Variants in PARK7 observed in about 807,000 individuals in gnomAD.
The protein encoded by PARK7 is Parkinson disease protein 7.
In PARK7, 14 loss-of-function variants were observed where a neutral mutation model predicts 20.5. The ratio of observed to expected loss-of-function variants is 0.68; its 90% confidence interval spans 0.45 to 1.07. The LOEUF (loss-of-function observed/expected upper bound fraction) is 1.07. Ranked by LOEUF, PARK7 falls within the 50% of genes least tolerant of loss-of-function variation. The pLI, the probability that PARK7 is intolerant of heterozygous loss-of-function variation, is 0.00. For synonymous variants in PARK7, 98 were observed against 84.3 expected, an observed-to-expected ratio of 1.16 and a Z score of -0.89; for missense variants, 234 against 238.1, an observed-to-expected ratio of 0.98 and a Z score of 0.11.
chr1:7,974,518 A>G lies in PARK7; in HGVS notation c.323-3134A>G, dbSNP rs1296756357. Among the ~76,000 whole-genome samples, 5 of 151,730 alleles carry G rather than the reference A, an allele frequency of 3.3e-5. No homozygotes were observed. The East Asian group carries it at 5.8e-4, about 18-fold the overall frequency. On this transcript the variant is annotated intron_variant, in intron 5 of 6. Transcript: ENST00000338639. Reference sequence around the variant, plus strand: ...GTGGCGGGTGCCTGTAGTCCCAGCTACTCGGGAGGCTGAGGCAGGAGAATG... The same window carrying G: ...GTGGCGGGTGCCTGTAGTCCCAGCTGCTCGGGAGGCTGAGGCAGGAGAATG...
Position 7,969,341 on chromosome 1 carries a change from A to AAG in PARK7, c.193-4_193-3insAG, listed in dbSNP as rs757044964. ...TGTTTTCTTTATGTTTTAAACTGTT[A>AAG]CAGGGACCATATGATGTGGTGGTTC... On this transcript the variant is annotated splice_polypyrimidine_tract_variant and splice_region_variant and intron_variant, in intron 3 of 6. Coordinates refer to ENST00000338639, the MANE Select transcript of PARK7 (RefSeq NM_007262.5). The AAG allele has an allele frequency of 9.3e-6, 15 of 1,610,154 alleles. No homozygotes were observed. The African/African-American group carries it at 2.0e-4, about 21-fold the overall frequency.
chr1:7,967,435 A>G lies in PARK7; in HGVS notation c.193-1910A>G, dbSNP rs1007125608. Among the ~76,000 whole-genome samples the G allele has an allele frequency of 7.2e-5, 11 of 152,310 alleles. 1 individual carries two copies. The highest frequency in any genetic ancestry group is 2.2e-4 in the African/African-American group (9 of 41,564). On this transcript the variant is annotated intron_variant, in intron 3 of 6. Coordinates refer to ENST00000338639, the MANE Select transcript of PARK7 (RefSeq NM_007262.5). ...CCTTTCCATTGGATACATGCCAAGT[A>G]GTGGGATTGCTGGACCATATGGTAG...
intron 4 of PARK7, 39 bp downstream of exon 4, chr1:7,969,443 G>T (rs767757311): frequency 1.1e-5 from 12 of 1,097,414 alleles, no homozygotes; most frequent in South Asian, 2.6e-5. Context: ...ATAAAGCTGG[G>T]GGGGGGGAAA....
intron 5 of PARK7, among the ~76,000 whole-genome samples, chr1:7,972,697 A>G (rs1024438409): frequency 5.9e-5 from 9 of 152,184 alleles, no homozygotes; most frequent in African/African-American, 2.2e-4. Context: ...TGAGGTCAGG[A>G]GTTCAAAACC....
intron 3 of PARK7, 116 bp from the exon 4 acceptor site, chr1:7,969,229 A>G (rs1299809274): frequency 1.3e-6 from 1 of 787,774 alleles, no homozygotes; most frequent in Non-Finnish European, 2.1e-6. Flanking sequence ...CTATTGGCAG[A>G]TAGGCTATCT....
At chr1:7,976,985 G>C (rs1030843575) in intron 5 of PARK7, among the ~76,000 whole-genome samples, 2 of 152,208 alleles carry the variant, frequency 1.3e-5, no homozygotes, top group Non-Finnish European at 2.9e-5. Flanking sequence ...CTCCCAAAGT[G>C]CTGGGAATAC....
Position 7,967,052 on chromosome 1 carries a change from T to C in PARK7, c.192+1627T>C, listed in dbSNP as rs551746296. Among the ~76,000 whole-genome samples, 25 of 152,318 alleles carry C rather than the reference T, an allele frequency of 1.6e-4. No homozygotes were observed. In the South Asian group the frequency reaches 1.7e-3, roughly 10 times the overall value. ...ATAATTTTGTATCTTTTAACAAATC[T>C]CTCCCTATCCCCACTTTCTCCTATC... On this transcript the variant is annotated intron_variant, in intron 3 of 6. Coordinates refer to ENST00000338639, the MANE Select transcript of PARK7 (RefSeq NM_007262.5).
chr1:7,974,614 G>A (rs1640538311), intron 5 of PARK7, among the ~76,000 whole-genome samples: 1 of 151,130 alleles, frequency 6.6e-6, no homozygotes, highest in African/African-American at 2.4e-5. Flanking sequence ...GGGCGACAGA[G>A]TGAGACTCCA....
Position 7,984,309 on chromosome 1 carries a change from C to A in PARK7, c.410-585C>A, listed in dbSNP as rs1305561630. ...CTCAGGGCATCCATGCTTAAGAGTC[C>A]CAGTTTTGGTATTATATTTGCCAAG... is the stretch of plus-strand genomic sequence containing the variant. On this transcript the variant is annotated intron_variant, in intron 6 of 6. Coordinates refer to ENST00000338639, the MANE Select transcript of PARK7 (RefSeq NM_007262.5). This position sits in a 1 kb window ranked among gnomAD's most constrained non-coding sequence, Gnocchi z 4.3. Among the ~76,000 whole-genome samples, 1 of 152,104 alleles carries A rather than the reference C, an allele frequency of 6.6e-6. No homozygotes were observed. Among genetic ancestry groups the A allele is most frequent in the African/African-American group, 2.4e-5 (1 of 41,402 alleles).
chr1:7,972,700 T>A (rs1640490336), intron 5 of PARK7, among the ~76,000 whole-genome samples: 1 of 152,064 alleles, frequency 6.6e-6, no homozygotes, highest in Non-Finnish European at 1.5e-5. Flanking sequence ...GGTCAGGAGT[T>A]CAAAACCAGC....
rs1640747884 is a variant in PARK7 at position 7,983,238 on chromosome 1, G to A, written c.410-1656G>A. Among the ~76,000 whole-genome samples the A allele has an allele frequency of 1.3e-5, 2 of 152,228 alleles. 1 individual carries two copies. The highest frequency in any genetic ancestry group is 1.3e-4 in the Admixed American group (2 of 15,284). ...AGCTGTGCCCTCAGGGTGTTCTCAG[G>A]TCCGCACTGAGCGGTGGTGACCAGA... On this transcript the variant is annotated intron_variant, in intron 6 of 6. Coordinates refer to ENST00000338639, the MANE Select transcript of PARK7 (RefSeq NM_007262.5).
chr1:7,962,509 G>A lies in PARK7; in HGVS notation c.-23-254G>A, dbSNP rs1050710888. 2.0e-5 allele frequency among the ~76,000 whole-genome samples: 3 copies of A among 152,062 alleles called. No homozygotes were observed. The South Asian group carries it at 6.2e-4, about 31-fold the overall frequency. On this transcript the variant is annotated intron_variant, in intron 1 of 6. Transcript: ENST00000338639. ...TTAAAGTTGGATTTAAGAGAACATG[G>A]TAGAAGAAAATCTAAGCAATACTAC...
Position 7,962,921 on chromosome 1 carries a change from T to C in PARK7, c.90+46T>C, listed in dbSNP as rs759980721. On this transcript the variant is annotated intron_variant, in intron 2 of 6. Transcript: ENST00000338639. Reference sequence around the variant, plus strand: ...TAGCCATTCCTGTTTTAAATGTTTTTGGATTTTTAAATCATTTTGAATAAA... The same window carrying C: ...TAGCCATTCCTGTTTTAAATGTTTTCGGATTTTTAAATCATTTTGAATAAA... 6 of 1,473,312 alleles carry C rather than the reference T, an allele frequency of 4.1e-6. No individual in the cohort carries two copies. In the Admixed American group the frequency reaches 1.0e-4, roughly 25 times the overall value. 91.3% of individuals were successfully genotyped at this position (1,473,312 alleles called of 1,614,324 possible). A position where few individuals can be genotyped will look rare whatever the true frequency, so the allele number is the denominator to read the frequency against.
At position 7,984,909 on chromosome 1, in the gene PARK7, C is replaced by T. The variant is rs1640786376; in HGVS notation, c.425C>T (p.Ser142Phe). 1.2e-6 allele frequency: 2 copies of T among 1,614,170 alleles called. No individual in the cohort carries two copies. The highest frequency in any genetic ancestry group is 2.2e-5 in the South Asian group (2 of 91,080). ...TACTTTGCAGGTCATTACACCTACTCTGAGAATCGTGTGGAAAAAGACGGC... is the reference window on the plus strand; with the variant it reads ...TACTTTGCAGGTCATTACACCTACTTTGAGAATCGTGTGGAAAAAGACGGC... ...KMMNGGHYTY[S>F]ENRVEKDGLI... The change falls in exon 7 of 7, where the codon TCT becomes TTT. Residue 142 changes from serine (S) to phenylalanine (F), a missense_variant. Ser to Phe is a radical substitution (Grantham distance 155, BLOSUM62 -2). Transcript: ENST00000338639. The surrounding 1 kb of genome is among the most constrained non-coding windows in gnomAD (Gnocchi z 4.3).
chr1:7,972,828 C>T (rs1640492815), intron 5 of PARK7, among the ~76,000 whole-genome samples: 3 of 152,142 alleles, frequency 2.0e-5, no homozygotes, highest in Admixed American at 2.0e-4. Flanking sequence ...CACTTGAGGT[C>T]AGGAGTTCGA....
At chr1:7,969,533 A>G in intron 4 of PARK7, 129 bp downstream of exon 4, 2 of 758,704 alleles carry the variant, frequency 2.6e-6, no homozygotes, top group South Asian at 1.6e-5. Context: ...CTGTGAAAAA[A>G]AAATAGAAAC....
chr1:7,967,762 T>TA (rs1249216366), intron 3 of PARK7, among the ~76,000 whole-genome samples: 3 of 151,414 alleles, frequency 2.0e-5, no homozygotes, highest in Non-Finnish European at 4.4e-5. Context: ...TCTACAAAAA[T>TA]AAAAAAAATT....
intron 3 of PARK7, among the ~76,000 whole-genome samples, chr1:7,965,808 A>G (rs1193417239): frequency 6.6e-6 from 1 of 151,544 alleles, no homozygotes; most frequent in Non-Finnish European, 1.5e-5. Flanking sequence ...TCCATTTTTT[A>G]TTATTATTAT....
At chr1:7,974,850 CTTTT>C (rs547673963) in intron 5 of PARK7, among the ~76,000 whole-genome samples, 3 of 125,600 alleles carry the variant, frequency 2.4e-5, no homozygotes, top group Non-Finnish European at 1.7e-5. Context: ...AAATAAGATT[CTTTT>C]TTTTTTTTTT....
Sources: gnomAD v4.1 joint callset for allele counts (sites outside exome capture counted in the v4.1 genomes callset) on GRCh38, gnomAD v4.1.1 for gene constraint, Gnocchi (gnomAD v3.1) non-coding constraint, MANE v1.5 for transcripts, NCBI Gene and HGNC (gene_info 2026-07-23, HGNC 2026-07-21) for gene names.